OR9Q1: variants seen among roughly 807,000 people sequenced by gnomAD.
OR9Q1 encodes the protein olfactory receptor family 9 subfamily Q member 1.
For missense variants in OR9Q1, 374 were observed against 378.8 expected, an observed-to-expected ratio of 0.99 and a Z score of 0.11; for synonymous variants, 153 against 148.6, an observed-to-expected ratio of 1.03 and a Z score of -0.22.
intron 2 of OR9Q1, among the ~76,000 whole-genome samples, chr11:58,143,266 T>C (rs556864957): frequency 4.1e-4 from 63 of 152,352 alleles, no homozygotes; most frequent in Admixed American, 6.5e-4. Context: ...TTTGGCATTG[T>C]AATCCTCATT....
chr11:58,144,202 C>T (rs1355651820), intron 2 of OR9Q1, among the ~76,000 whole-genome samples: 1 of 137,720 alleles, frequency 7.3e-6, no homozygotes, highest in Non-Finnish European at 1.5e-5. Context: ...CAACAGTCCC[C>T]GGTGTGTGAT....
chr11:58,053,438 G>T (rs1404639196), intron 1 of OR9Q1, among the ~76,000 whole-genome samples: 1 of 111,620 alleles, frequency 9.0e-6, no homozygotes, highest in African/African-American at 3.3e-5. Context: ...TCACACTCTG[G>T]GGCCTGTTGT....
chr11:58,118,578 G>A (rs772931722), intron 2 of OR9Q1: 1 of 1,613,998 alleles, frequency 6.2e-7, no homozygotes, highest in South Asian at 1.1e-5. Flanking sequence ...TTAAGCTGTA[G>A]ATCAGAGGGT....
At chr11:58,104,045 C>T (rs76956161) in intron 2 of OR9Q1, among the ~76,000 whole-genome samples, 366 of 152,278 alleles carry the variant, frequency 2.4e-3, no homozygotes, top group African/African-American at 8.5e-3. Flanking sequence ...ATATTCTTTT[C>T]TACCAGGCCA....
chr11:58,082,754 AT>A lies in OR9Q1; in HGVS notation c.-15+26808del, dbSNP rs1379618407. Among the ~76,000 whole-genome samples, 16 of 131,626 alleles carry A rather than the reference AT, an allele frequency of 1.2e-4. No individual in the cohort carries two copies. In the South Asian group the frequency reaches 4.6e-3, roughly 38 times the overall value. 86.4% of individuals were successfully genotyped at this position (131,626 alleles called of 152,430 possible). ...TAAAACTTAAAGTATAATAATAATA[AT>A]AATAATAATAATAATAAAAAGTTAG... is the stretch of plus-strand genomic sequence containing the variant. On this transcript the variant is annotated intron_variant, in intron 2 of 2. Coordinates refer to ENST00000335397, the MANE Select transcript of OR9Q1 (RefSeq NM_001005212.4).
intron 2 of OR9Q1, among the ~76,000 whole-genome samples, chr11:58,089,244 G>C (rs1373358699): frequency 6.6e-6 from 1 of 151,746 alleles, no homozygotes; most frequent in Non-Finnish European, 1.5e-5. Context: ...CAATAATATT[G>C]CCTAGGTTTT....
chr11:58,064,331 AG>A, intron 2 of OR9Q1, among the ~76,000 whole-genome samples: 1 of 152,352 alleles, frequency 6.6e-6, no homozygotes, highest in East Asian at 1.9e-4. Flanking sequence ...GGAGAATCCC[AG>A]GCCCAGGGAA....
At chr11:58,074,515 G>A (rs780277220) in intron 2 of OR9Q1, among the ~76,000 whole-genome samples, 35 of 151,826 alleles carry the variant, frequency 2.3e-4, no homozygotes, top group Middle Eastern at 3.4e-3. Context: ...GACTTTTGTC[G>A]GATGGATAGA....
intron 2 of OR9Q1, among the ~76,000 whole-genome samples, chr11:58,081,163 C>T (rs1454188447): frequency 9.2e-5 from 14 of 152,108 alleles, no homozygotes; most frequent in Non-Finnish European, 5.9e-5. Context: ...TTTTTTGTGG[C>T]TGCATAGTAT....
intron 2 of OR9Q1, chr11:58,116,823 A>C (rs1853959774): frequency 6.6e-6 from 1 of 152,202 alleles, no homozygotes; most frequent in Non-Finnish European, 1.5e-5. Flanking sequence ...CCATATGGAG[A>C]GGCAATGAGG....
At chr11:58,158,348 C>G (rs1449102451) in intron 2 of OR9Q1, among the ~76,000 whole-genome samples, 2 of 150,992 alleles carry the variant, frequency 1.3e-5, no homozygotes, top group African/African-American at 4.9e-5. Context: ...CAGCCACACT[C>G]TTGGGCAGAT....
At chr11:58,133,068 G>A (rs1007801149) in intron 2 of OR9Q1, among the ~76,000 whole-genome samples, 7 of 152,170 alleles carry the variant, frequency 4.6e-5, no homozygotes, top group Non-Finnish European at 7.3e-5. Flanking sequence ...GCTCAGCCCA[G>A]CCTTCCAGAC....
At chr11:58,053,631 T>TTATATATATATATA (rs1554965499) in intron 1 of OR9Q1, among the ~76,000 whole-genome samples, 2 of 29,390 alleles carry the variant, frequency 6.8e-5, no homozygotes, top group South Asian at 2.5e-3. Context: ...ATATATAAAA[T>TTATATATATATATA]ATATATATAT....
At chr11:58,042,520 C>T (rs1387897683) in intron 1 of OR9Q1, among the ~76,000 whole-genome samples, 3 of 151,386 alleles carry the variant, frequency 2.0e-5, no homozygotes, top group African/African-American at 7.3e-5. Flanking sequence ...TGTTTTGGTA[C>T]CAGTACCATG....
At chr11:58,028,595 C>G (rs1236496270) in intron 1 of OR9Q1, among the ~76,000 whole-genome samples, 3 of 152,114 alleles carry the variant, frequency 2.0e-5, no homozygotes, top group African/African-American at 7.2e-5. Context: ...TGTGCAGTAT[C>G]TCCACTGGGA....
intron 2 of OR9Q1, among the ~76,000 whole-genome samples, chr11:58,111,259 A>C (rs1853896528): frequency 6.6e-6 from 1 of 152,116 alleles, no homozygotes. Context: ...CTGAGAATGG[A>C]AGGGAGTCCT....
intron 1 of OR9Q1, among the ~76,000 whole-genome samples, chr11:58,033,531 C>A (rs978724382): frequency 4.6e-5 from 7 of 152,100 alleles, no homozygotes; most frequent in Admixed American, 3.9e-4. Flanking sequence ...TGTTTTCTCA[C>A]TTGTAAGTAG....
At chr11:58,031,074 T>C (rs1275698016) in intron 1 of OR9Q1, 2 of 1,614,216 alleles carry the variant, frequency 1.2e-6, no homozygotes, top group Admixed American at 3.3e-5. Flanking sequence ...CTGTTCACCT[T>C]GGTGGAGAAT....
chr11:58,031,356 A>T (rs1478414211), intron 1 of OR9Q1: 5 of 1,614,054 alleles, frequency 3.1e-6, no homozygotes, highest in South Asian at 1.1e-5. Flanking sequence ...ATGCCTCTCC[A>T]CTATGGGGCT....
Sources: allele counts gnomAD v4.1 joint callset (sites outside exome capture counted in the v4.1 genomes callset), GRCh38; gene constraint gnomAD v4.1.1; transcripts MANE v1.5; gene names NCBI Gene and HGNC (gene_info 2026-07-23, HGNC 2026-07-21).